Variants in STXBP5L observed in about 807,000 individuals in gnomAD.
STXBP5L encodes the protein syntaxin-binding protein 5-like.
A neutral mutation model predicts 144.5 loss-of-function variants in STXBP5L; 65 were observed. That is an observed-to-expected ratio of 0.45 (90% CI 0.37 to 0.55). The LOEUF is 0.55. Among genes scored for constraint, STXBP5L ranks in the 20% least tolerant of loss-of-function variants. The probability of loss-of-function intolerance (pLI) is 0.00; values close to 1 mark genes in which losing one functional copy is unlikely to be tolerated. For missense variants in STXBP5L, 1,298 were observed against 1,405.5 expected, an observed-to-expected ratio of 0.92 and a Z score of 1.22; for synonymous variants, 505 against 469.6, an observed-to-expected ratio of 1.08 and a Z score of -0.97.
intron 5 of STXBP5L, among the ~76,000 whole-genome samples, chr3:121,082,739 C>A (rs1029370765): frequency 6.6e-6 from 1 of 152,120 alleles, no homozygotes; most frequent in East Asian, 1.9e-4. Flanking sequence ...TGAATTTTGT[C>A]AAATACTATT....
chr3:121,294,302 A>C (rs1202324576), intron 19 of STXBP5L, among the ~76,000 whole-genome samples: 1 of 152,246 alleles, frequency 6.6e-6, no homozygotes, highest in Non-Finnish European at 1.5e-5. Context: ...GTGAGAGATA[A>C]GAGAGTGGAA....
At chr3:121,299,975 C>CA (rs35062789) in intron 19 of STXBP5L, among the ~76,000 whole-genome samples, 1,773 of 115,652 alleles carry the variant, frequency 0.015, 37 homozygotes, top group African/African-American at 0.049. Context: ...GACCTGATCT[C>CA]AAAAAAAAAA....
chr3:121,262,538 G>A (rs2050418162), intron 18 of STXBP5L, among the ~76,000 whole-genome samples: 1 of 152,084 alleles, frequency 6.6e-6, no homozygotes, highest in Non-Finnish European at 1.5e-5. Context: ...ACTGAGAATC[G>A]CTTGAATCCA....
chr3:121,064,052 C>T (rs2041420803), intron 5 of STXBP5L, among the ~76,000 whole-genome samples: 1 of 152,136 alleles, frequency 6.6e-6, no homozygotes, highest in Non-Finnish European at 1.5e-5. Context: ...GTAACTCCTC[C>T]AGCTAGCTCG....
At chr3:121,406,260 C>T (rs1477535989) in intron 22 of STXBP5L, among the ~76,000 whole-genome samples, 1 of 152,004 alleles carries the variant, frequency 6.6e-6, no homozygotes, top group East Asian at 1.9e-4. Context: ...TTAGATCATC[C>T]CAATATACTC....
At chr3:120,946,591 C>G (rs1710869914) in intron 2 of STXBP5L, among the ~76,000 whole-genome samples, 1 of 151,568 alleles carries the variant, frequency 6.6e-6, no homozygotes, top group African/African-American at 2.4e-5. Flanking sequence ...CATTGGGGAA[C>G]AGTAGACAGT....
intron 5 of STXBP5L, among the ~76,000 whole-genome samples, chr3:121,090,359 A>G (rs905208599): frequency 1.3e-5 from 2 of 152,126 alleles, no homozygotes; most frequent in East Asian, 1.9e-4. Context: ...GCTCTCCACT[A>G]TGCCTCCTCT....
intron 11 of STXBP5L, among the ~76,000 whole-genome samples, chr3:121,233,354 AT>A (rs968882898): frequency 2.2e-4 from 34 of 152,156 alleles, no homozygotes; most frequent in Admixed American, 2.0e-3. Flanking sequence ...ATAATCCAAT[AT>A]TATCATCACT....
At chr3:121,315,378 C>T (rs1252266713) in intron 19 of STXBP5L, among the ~76,000 whole-genome samples, 3 of 150,928 alleles carry the variant, frequency 2.0e-5, no homozygotes, top group Admixed American at 6.6e-5. Context: ...AGCAAACTAT[C>T]GCAAGGACAA....
chr3:121,108,909 C>G (rs2043842984), intron 5 of STXBP5L, among the ~76,000 whole-genome samples: 1 of 152,082 alleles, frequency 6.6e-6, no homozygotes, highest in South Asian at 2.1e-4. Context: ...TTTGTCTATT[C>G]AGGGGTTTAA....
intron 7 of STXBP5L, among the ~76,000 whole-genome samples, chr3:121,147,808 C>G (rs2045772835): frequency 6.6e-6 from 1 of 152,162 alleles, no homozygotes; most frequent in South Asian, 2.1e-4. Flanking sequence ...AACAAAAAGG[C>G]TAACCCTTTT....
Position 121,407,285 on chromosome 3 carries a change from G to T in STXBP5L, c.2630G>T (p.Cys877Phe), listed in dbSNP as rs2047012948. Residue 877 changes from cysteine to phenylalanine, a missense_variant, in exon 23 of 27, where the codon TGT (cysteine) becomes TTT (phenylalanine). Coordinates refer to ENST00000471454, the MANE Select transcript of STXBP5L (RefSeq NM_001308330.2). ...AAAGGAGCTGTGCTAACATTCTCCT[G>T]TATGGACCGAATGGGTGGATTAATG... ...SLKGAVLTFS[C>F]MDRMGGLMQP... 7.5e-6 allele frequency: 12 copies of T among 1,607,036 alleles called. No individual in the cohort carries two copies. Among genetic ancestry groups the T allele is most frequent in the Non-Finnish European group, 9.3e-6 (11 of 1,176,738 alleles).
rs959582769 is a variant in STXBP5L at position 121,421,137 on chromosome 3, C to A, written c.*2040C>A. 6.6e-6 allele frequency: 1 copy of A among 151,942 alleles called. No homozygotes were observed. Among genetic ancestry groups the A allele is most frequent in the African/African-American group, 2.4e-5 (1 of 41,378 alleles). 9.4% of individuals were successfully genotyped at this position (151,942 alleles called of 1,614,324 possible). A position where few individuals can be genotyped will look rare whatever the true frequency, so the allele number is the denominator to read the frequency against. On this transcript the variant is annotated 3_prime_UTR_variant, in exon 27 of 27. Transcript: ENST00000471454. ...ACTAGTGGCCAAATTGCAATGTATTCTTTGTACCATCTGTTTCAAAGACTT... is the reference window on the plus strand; with the variant it reads ...ACTAGTGGCCAAATTGCAATGTATTATTTGTACCATCTGTTTCAAAGACTT...
intron 19 of STXBP5L, among the ~76,000 whole-genome samples, chr3:121,316,280 C>T (rs1330793060): frequency 1.3e-5 from 2 of 152,114 alleles, no homozygotes; most frequent in African/African-American, 2.4e-5. Context: ...TCAGTTCCTA[C>T]CTTCATCAGG....
intron 20 of STXBP5L, among the ~76,000 whole-genome samples, chr3:121,367,748 G>A (rs897300280): frequency 1.0e-4 from 15 of 143,834 alleles, no homozygotes; most frequent in African/African-American, 3.1e-4. Flanking sequence ...AGCTGGGACT[G>A]TAGGCATTTG....
intron 3 of STXBP5L, among the ~76,000 whole-genome samples, chr3:120,958,684 G>A (rs761815657): frequency 0.015 from 2,283 of 152,104 alleles, 64 homozygotes; most frequent in African/African-American, 0.052. Flanking sequence ...TGCAGAAAAG[G>A]CCTTTGACAA....
At chr3:121,293,327 T>C (rs1324507950) in intron 19 of STXBP5L, among the ~76,000 whole-genome samples, 1 of 152,000 alleles carries the variant, frequency 6.6e-6, no homozygotes, top group African/African-American at 2.4e-5. Flanking sequence ...AAGGGACACA[T>C]ATGGTGAGGG....
intron 2 of STXBP5L, among the ~76,000 whole-genome samples, chr3:120,932,480 T>C (rs1709998034): frequency 6.6e-6 from 1 of 152,200 alleles, no homozygotes; most frequent in Non-Finnish European, 1.5e-5. Context: ...CAAATCGCTT[T>C]AGTATTTTTT....
chr3:121,006,108 G>C (rs1006268200), intron 3 of STXBP5L, among the ~76,000 whole-genome samples: 2 of 152,112 alleles, frequency 1.3e-5, no homozygotes, highest in African/African-American at 2.4e-5. Flanking sequence ...GGGTATCCTT[G>C]TTAACTTTCT....
Sources: allele counts gnomAD v4.1 joint callset (sites outside exome capture counted in the v4.1 genomes callset), GRCh38; gene constraint gnomAD v4.1.1; transcripts MANE v1.5; gene names NCBI Gene and HGNC (gene_info 2026-07-23, HGNC 2026-07-21).